Variants in PLB1 observed in about 807,000 individuals in gnomAD.
PLB1 encodes phospholipase B1, membrane-associated.
A neutral mutation model predicts 227.4 loss-of-function variants in PLB1; 242 were observed. The observed-to-expected ratio is 1.06, with a 90% CI of 0.96 to 1.18. PLB1 has a LOEUF of 1.18. Ranked by LOEUF, PLB1 falls within the 50% of genes most tolerant of loss-of-function variation. PLB1 has a pLI of 0.00. For missense variants in PLB1, 1,858 were observed against 1,816.3 expected, an observed-to-expected ratio of 1.02 and a Z score of -0.42; for synonymous variants, 757 against 682.2, an observed-to-expected ratio of 1.11 and a Z score of -1.71.
At chr2:28,637,113 G>A (rs10210444) in intron 56 of PLB1, among the ~76,000 whole-genome samples, 21,083 of 151,970 alleles carry the variant, frequency 0.14, 1,934 homozygotes, top group Middle Eastern at 0.22. Flanking sequence ...AGCCAACATG[G>A]TGAAACCCCA....
intron 54 of PLB1, 116 bp downstream of exon 54, chr2:28,630,780 A>C (rs1471893078): frequency 2.6e-6 from 2 of 784,200 alleles, no homozygotes; most frequent in African/African-American, 3.5e-5. Flanking sequence ...CCCTAAAAGC[A>C]GATTGCAGCC....
At position 28,565,347 on chromosome 2, in the gene PLB1, C is replaced by A. The variant is rs758798012; in HGVS notation, c.1274C>A (p.Ser425Tyr). The A allele has an allele frequency of 6.2e-7, 1 of 1,607,104 alleles. No homozygotes were observed. Among genetic ancestry groups the A allele is most frequent in the East Asian group, 2.2e-5 (1 of 44,756 alleles). ...GTCTTGACTCAGTACCGAGGCCTGT[C>A]CTGGAGGTGAGTGAGGGTGTGGCAA... is the stretch of plus-strand genomic sequence containing the variant. ...LDVLTQYRGL[S>Y]WSVGGDENIG... is the part of the protein sequence containing the mutation. Residue 425 changes from serine (S) to tyrosine (Y), a missense_variant, in exon 19 of 58, where the codon TCC (serine) becomes TAC (tyrosine). Coordinates refer to ENST00000327757, the MANE Select transcript of PLB1 (RefSeq NM_153021.5).
chr2:28,530,703 A>G (rs1040192045), intron 8 of PLB1, among the ~76,000 whole-genome samples: 5 of 152,356 alleles, frequency 3.3e-5, no homozygotes, highest in Admixed American at 2.6e-4. Flanking sequence ...AGCAAACTGT[A>G]TCTAACTAAG....
chr2:28,516,821 C>A lies in PLB1; in HGVS notation c.69C>A (p.Ile23=), dbSNP rs759478043. The A allele has an allele frequency of 2.4e-5, 39 of 1,613,594 alleles. 1 individual carries two copies. The Middle Eastern group carries it at 9.9e-4, about 41-fold the overall frequency. The part of the protein sequence containing the change: ...LLLLGQGTPQ[I]HTSPRKSTLE... ...GCTTTCTTTCAGGGACCCCTCAGAT[C>A]CATACCTCTCCTAGAAAGAGTACAT... The change falls in exon 2 of 58, where the codon ATC becomes ATA. Residue 23 remains isoleucine, a synonymous_variant. Coordinates refer to ENST00000327757, the MANE Select transcript of PLB1 (RefSeq NM_153021.5).
chr2:28,549,741 C>T (rs144602428), intron 15 of PLB1, among the ~76,000 whole-genome samples: 51 of 152,204 alleles, frequency 3.4e-4, no homozygotes, highest in African/African-American at 1.1e-3. Flanking sequence ...ATTAGATTCC[C>T]TTCTCATCAA....
intron 17 of PLB1, among the ~76,000 whole-genome samples, chr2:28,560,724 G>A (rs919095158): frequency 3.9e-5 from 6 of 152,176 alleles, no homozygotes; most frequent in African/African-American, 1.4e-4. Flanking sequence ...GAAGAAGCCA[G>A]ACACAAAGAG....
At chr2:28,573,819 C>T (rs1678433471) in intron 21 of PLB1, among the ~76,000 whole-genome samples, 2 of 152,190 alleles carry the variant, frequency 1.3e-5, no homozygotes, top group Non-Finnish European at 2.9e-5. Context: ...GAACCTCTCC[C>T]ACAGGGCAGT....
chr2:28,504,386 T>C (rs938669926), intron 1 of PLB1, among the ~76,000 whole-genome samples: 2 of 152,228 alleles, frequency 1.3e-5, no homozygotes, highest in Non-Finnish European at 2.9e-5. Flanking sequence ...TCTTACCAAA[T>C]TGGTAATTAA....
At position 28,548,933 on chromosome 2, in the gene PLB1, T is replaced by G. The variant is rs764787834; in HGVS notation, c.1008+2T>G. On this transcript the variant is annotated splice_donor_variant, in intron 15 of 57. Transcript: ENST00000327757. LOFTEE classifies it high-confidence loss of function. ...AGGCCAATGAAGTGTCCCTCTCAGG[T>G]AGGAGGGACTGGGCAGAGGAGGGAC... The G allele has an allele frequency of 1.9e-6, 3 of 1,613,492 alleles. No homozygotes were observed. In the East Asian group the frequency reaches 6.7e-5, roughly 36 times the overall value.
chr2:28,545,654 T>C (rs888129562), intron 14 of PLB1, among the ~76,000 whole-genome samples: 1 of 152,140 alleles, frequency 6.6e-6, no homozygotes, highest in Non-Finnish European at 1.5e-5. Flanking sequence ...TGGGAGGGCA[T>C]TGGGCTCCTT....
intron 42 of PLB1, among the ~76,000 whole-genome samples, 193 bp downstream of exon 42, chr2:28,606,141 G>C (rs776394096): frequency 4.6e-5 from 7 of 152,166 alleles, no homozygotes; most frequent in Admixed American, 3.9e-4. Flanking sequence ...TCTCCTCAGA[G>C]CTTTGAACTC....
intron 38 of PLB1, among the ~76,000 whole-genome samples, chr2:28,602,462 C>T (rs1282753058): frequency 6.6e-6 from 1 of 152,250 alleles, no homozygotes; most frequent in Middle Eastern, 3.2e-3. Flanking sequence ...AGTCTGCGTG[C>T]CTACTCAGCA....
chr2:28,620,363 A>C (rs745651043), intron 47 of PLB1, 31 bp downstream of exon 47: 2 of 1,556,898 alleles, frequency 1.3e-6, no homozygotes, highest in Admixed American at 1.8e-5. Context: ...TGCTCTATTG[A>C]TGATGCTCTC....
chr2:28,573,424 G>A (rs1881251), intron 21 of PLB1, 119 bp downstream of exon 21: 498,974 of 749,548 alleles, frequency 0.67, 176,958 homozygotes, highest in Non-Finnish European at 0.77. Context: ...AAAGGGTTTC[G>A]GGGCCAAAGC....
intron 1 of PLB1, among the ~76,000 whole-genome samples, chr2:28,515,621 T>C (rs909603304): frequency 6.6e-6 from 1 of 152,182 alleles, no homozygotes; most frequent in East Asian, 1.9e-4. Flanking sequence ...GAAACTCTAA[T>C]AAATTATTTT....
intron 23 of PLB1, among the ~76,000 whole-genome samples, chr2:28,580,111 T>C (rs751465842): frequency 6.6e-6 from 1 of 152,180 alleles, no homozygotes; most frequent in East Asian, 1.9e-4. Flanking sequence ...CTGCAGGCAT[T>C]TGGGCAAGCT....
chr2:28,609,565 T>A (rs1685148686), intron 43 of PLB1, among the ~76,000 whole-genome samples: 1 of 152,172 alleles, frequency 6.6e-6, no homozygotes, highest in South Asian at 2.1e-4. Context: ...TGTATTGAAT[T>A]ACATATAAGT....
chr2:28,567,121 G>A (rs112452311), intron 20 of PLB1, among the ~76,000 whole-genome samples: 5,169 of 152,160 alleles, frequency 0.034, 120 homozygotes, highest in Non-Finnish European at 0.053. Context: ...AGTAAAGCGG[G>A]GAAAAAGATC....
chr2:28,510,879 C>T (rs567393583), intron 1 of PLB1, among the ~76,000 whole-genome samples: 5 of 151,898 alleles, frequency 3.3e-5, no homozygotes, highest in East Asian at 3.9e-4. Context: ...CCTTCCACCT[C>T]GGTCTCTCAA....
Sources: gnomAD v4.1 joint callset for allele counts (sites outside exome capture counted in the v4.1 genomes callset) on GRCh38, gnomAD v4.1.1 for gene constraint, MANE v1.5 for transcripts, NCBI Gene and HGNC (gene_info 2026-07-23, HGNC 2026-07-21) for gene names.